NTNG2: variants seen among roughly 807,000 people sequenced by gnomAD.
NTNG2 encodes the protein netrin G2.
Under a neutral mutation model 47.6 loss-of-function variants are expected in NTNG2, and 15 were observed. The ratio of observed to expected loss-of-function variants is 0.32; its 90% CI spans 0.21 to 0.49. The LOEUF (loss-of-function observed/expected upper bound fraction) is 0.49, where lower values mean the gene tolerates loss of function less well. NTNG2 is among the 20% of genes least tolerant of loss of function. The pLI is 0.99. For synonymous variants in NTNG2, 307 were observed against 324.6 expected (o/e 0.95, Z 0.58); for missense variants, 578 against 764.6 (o/e 0.76, Z 2.88).
chr9:132,222,507 G>A (rs141080342), intron 3 of NTNG2, among the ~76,000 whole-genome samples: 1 of 152,324 alleles, frequency 6.6e-6, no homozygotes, highest in Non-Finnish European at 1.5e-5. Context: ...CAGGCTCTCA[G>A]GGGAAGATGG....
At chr9:132,229,297 C>T (rs1841021307) in intron 4 of NTNG2, among the ~76,000 whole-genome samples, 1 of 152,172 alleles carries the variant, frequency 6.6e-6, no homozygotes, top group African/African-American at 2.4e-5. Flanking sequence ...CGTGACCCCT[C>T]CTCAGTAAGT....
rs1376321562 is a variant in NTNG2 at position 132,166,778 on chromosome 9, C to CGT, written c.-53_-52dup. On this transcript the variant is annotated 5_prime_UTR_variant, in exon 2 of 8. Coordinates refer to ENST00000393229, the MANE Select transcript of NTNG2 (RefSeq NM_032536.4). ...TGAGGCCGCGAGTCCCGCCTGACCCCGTCGCTGCCTCTCCAGGGCTTCTCT... is the reference window on the plus strand; with the variant it reads ...TGAGGCCGCGAGTCCCGCCTGACCCCGTGTCGCTGCCTCTCCAGGGCTTCTCT... 10 of 1,565,178 alleles carry CGT rather than the reference C, an allele frequency of 6.4e-6. No individual in the cohort carries two copies. The highest frequency in any genetic ancestry group is 5.0e-5 in the Admixed American group (3 of 59,894).
Position 132,240,945 on chromosome 9 carries a change from C to T in NTNG2, c.1258C>T (p.Arg420Trp). 2 of 1,612,688 alleles carry T rather than the reference C, an allele frequency of 1.2e-6. No homozygotes were observed. The highest frequency in any genetic ancestry group is 8.5e-7 in the Non-Finnish European group (1 of 1,179,820). The change falls in exon 7 of 8, where the codon CGG becomes TGG. Residue 420 changes from arginine (R) to tryptophan (W), a missense_variant. Transcript: ENST00000393229. ...NCNQIGSVHD[R>W]CNETGFCECR... ...CAACCAGATAGGCTCCGTGCACGAC[C>T]GGTGCAACGAGACCGGCTTCTGCGA...
rs1192333379 is a variant in NTNG2 at position 132,243,913 on chromosome 9, GC to G, written c.*1805del. On this transcript the variant is annotated 3_prime_UTR_variant, in exon 8 of 8. Coordinates refer to ENST00000393229, the MANE Select transcript of NTNG2 (RefSeq NM_032536.4). ...CTGACCCGGAAGTGCCTTCCGACAG[GC>G]CCTGCATCCTCCTGCAGCTGGCCCA... 4 of 152,580 alleles carry G rather than the reference GC, an allele frequency of 2.6e-5. No homozygotes were observed. Among genetic ancestry groups the G allele is most frequent in the African/African-American group, 9.7e-5 (4 of 41,444 alleles). The allele number at this position is 152,580 out of a possible 1,614,324, so 9.5% of individuals were successfully genotyped here. A position where few individuals can be genotyped will look rare whatever the true frequency, so the allele number is the denominator to read the frequency against.
At position 132,226,962 on chromosome 9, in the gene NTNG2, G is replaced by T; in HGVS notation, c.971G>T (p.Arg324Leu). 6.2e-7 allele frequency: 1 copy of T among 1,612,078 alleles called. No individual in the cohort carries two copies. The change falls in exon 4 of 8, where the codon CGC becomes CTC. Residue 324 changes from arginine (R) to leucine (L), a missense_variant. Coordinates refer to ENST00000393229, the MANE Select transcript of NTNG2 (RefSeq NM_032536.4). The surrounding 1 kb of genome is among the most constrained non-coding windows in gnomAD (Gnocchi z 4.8). ...TGCGGCAAGTGCAAGAAGAATTTCC[G>T]CACCCGGTCCTGGCGGGCCGGCTCC... is the stretch of plus-strand genomic sequence containing the variant. ...PDCGKCKKNF[R>L]TRSWRAGSYL...
chr9:132,195,985 G>A (rs532433041), intron 2 of NTNG2, among the ~76,000 whole-genome samples: 1 of 150,478 alleles, frequency 6.6e-6, no homozygotes, highest in African/African-American at 2.4e-5. Flanking sequence ...TGCCTGGGCC[G>A]ATCTCAAACT....
At chr9:132,225,318 T>C (rs1455676745) in intron 3 of NTNG2, among the ~76,000 whole-genome samples, 1 of 152,182 alleles carries the variant, frequency 6.6e-6, no homozygotes, top group Non-Finnish European at 1.5e-5. Flanking sequence ...TCTCCCAGGC[T>C]GGAGTGCAGT....
In NTNG2 at chr9:132,239,283, C is replaced by T. The variant is rs779800577; in HGVS notation, c.1222+12C>T. The T allele has an allele frequency of 7.4e-6, 12 of 1,613,112 alleles. No individual in the cohort carries two copies. Among genetic ancestry groups the T allele is most frequent in the South Asian group, 4.4e-5 (4 of 91,078 alleles). ...GAACGTCTGCATTGGTGAGAGGGCA[C>T]GGACACGGCACAGGGAACTTGCTGG... On this transcript the variant is annotated intron_variant, in intron 6 of 7. Transcript: ENST00000393229.
intron 2 of NTNG2, among the ~76,000 whole-genome samples, chr9:132,172,951 G>A (rs1050982713): frequency 9.9e-5 from 15 of 152,028 alleles, no homozygotes; most frequent in Admixed American, 2.0e-4. Flanking sequence ...GGATGGTCTC[G>A]ATCTCCTGAC....
intron 2 of NTNG2, among the ~76,000 whole-genome samples, chr9:132,181,812 C>T (rs1836962351): frequency 1.3e-5 from 2 of 152,232 alleles, no homozygotes; most frequent in Non-Finnish European, 2.9e-5. Context: ...AGCCACTTGC[C>T]GAAGGCCACA....
rs755504919 is a variant in NTNG2, at chr9:132,230,561, C to T, written c.1031-11C>T. 4.2e-5 allele frequency: 67 copies of T among 1,602,128 alleles called. No homozygotes were observed. The South Asian group carries it at 6.4e-4, about 15-fold the overall frequency. Reference sequence around the variant, plus strand: ...TGGGGCAGCCAGCTCACGCCCGTCTCTCTCCCACAGGTGCCACTGCAGGTT... The same window carrying T: ...TGGGGCAGCCAGCTCACGCCCGTCTTTCTCCCACAGGTGCCACTGCAGGTT... On this transcript the variant is annotated splice_polypyrimidine_tract_variant and intron_variant, in intron 4 of 7. Transcript: ENST00000393229.
At position 132,198,311 on chromosome 9, in the gene NTNG2, T is replaced by A; in HGVS notation, c.559T>A (p.Ser187Thr). The change falls in exon 3 of 8, where the codon TCC becomes ACC. Residue 187 changes from serine (S) to threonine (T), a missense_variant. Physicochemically the swap from Ser to Thr is moderately conservative, Grantham distance 58 (BLOSUM62 1). Transcript: ENST00000393229. ...MSARRARDMS[S>T]SSAHRVLCTE... ...CGCCCGCCGGGCCCGCGACATGTCA[T>A]CCTCCAGCGCGCACCGCGTGCTCTG... 1 of 1,612,850 alleles carries A rather than the reference T, an allele frequency of 6.2e-7. No individual in the cohort carries two copies. Among genetic ancestry groups the A allele is most frequent in the Non-Finnish European group, 8.5e-7 (1 of 1,179,918 alleles).
At chr9:132,201,380 A>G (rs1267565693) in intron 3 of NTNG2, among the ~76,000 whole-genome samples, 2 of 152,222 alleles carry the variant, frequency 1.3e-5, no homozygotes, top group African/African-American at 4.8e-5. Context: ...GAGAGAGAGT[A>G]AACACTCTTC....
In NTNG2 at chr9:132,166,921, G is replaced by A; in HGVS notation, c.90G>A (p.Glu30=). 1 of 1,614,236 alleles carries A rather than the reference G, an allele frequency of 6.2e-7. No individual in the cohort carries two copies. The highest frequency in any genetic ancestry group is 8.5e-7 in the Non-Finnish European group (1 of 1,180,038). The change falls in exon 2 of 8, where the codon GAG becomes GAA. Residue 30 remains glutamate (E), a synonymous_variant. Transcript: ENST00000393229. The part of the protein sequence containing the change: ...DICKSWVTTD[E]GPTWEFYACQ... ...GCAAATCCTGGGTGACCACAGATGA[G>A]GGCCCCACCTGGGAGTTCTACGCCT...
chr9:132,202,376 GGGGA>G lies in NTNG2; in HGVS notation c.857+3768_857+3771del, dbSNP rs1411030285. On this transcript the variant is annotated intron_variant, in intron 3 of 7. Coordinates refer to ENST00000393229, the MANE Select transcript of NTNG2 (RefSeq NM_032536.4). Reference sequence around the variant, plus strand: ...ACAAATGGTGAGGGGGACAAGAGGTGGGGACAGACTGAGCTGCAGCCCCACAGGG... The same window carrying G: ...ACAAATGGTGAGGGGGACAAGAGGTGCAGACTGAGCTGCAGCCCCACAGGG... 4.6e-5 allele frequency among the ~76,000 whole-genome samples: 7 copies of G among 152,280 alleles called. No homozygotes were observed. In the East Asian group the frequency reaches 7.7e-4, roughly 17 times the overall value.
chr9:132,216,486 G>A (rs1295578753), intron 3 of NTNG2, among the ~76,000 whole-genome samples: 1 of 143,056 alleles, frequency 7.0e-6, no homozygotes, highest in Non-Finnish European at 1.5e-5. Flanking sequence ...GAGCGTTCTT[G>A]CTGCCGTCTG....
chr9:132,217,369 G>A (rs1840063492), intron 3 of NTNG2, among the ~76,000 whole-genome samples: 1 of 152,182 alleles, frequency 6.6e-6, no homozygotes, highest in Non-Finnish European at 1.5e-5. Context: ...GGGAGCTGTG[G>A]GGTGGCTGCA....
intron 2 of NTNG2, among the ~76,000 whole-genome samples, chr9:132,174,081 G>T (rs1451024853): frequency 6.9e-6 from 1 of 145,574 alleles, no homozygotes; most frequent in East Asian, 2.1e-4. Context: ...CGGACAGACG[G>T]ACAGATAGGC....
intron 4 of NTNG2, among the ~76,000 whole-genome samples, chr9:132,229,902 C>G (rs1176004477): frequency 6.6e-6 from 1 of 152,226 alleles, no homozygotes; most frequent in Non-Finnish European, 1.5e-5. Flanking sequence ...ACACCAGGAT[C>G]ATAGGCCTCC....
Sources: gnomAD v4.1 joint callset for allele counts (sites outside exome capture counted in the v4.1 genomes callset) on GRCh38, gnomAD v4.1.1 for gene constraint, Gnocchi (gnomAD v3.1) non-coding constraint, MANE v1.5 for transcripts, NCBI Gene and HGNC (gene_info 2026-07-23, HGNC 2026-07-21) for gene names.